The following PACSIN1 variants were observed in gnomAD, a reference collection of about 807,000 sequenced individuals.
The protein encoded by PACSIN1 is protein kinase C and casein kinase substrate in neurons protein 1.
A neutral mutation model predicts 59.5 loss-of-function variants in PACSIN1; 15 were observed. That is an observed-to-expected ratio of 0.25 (90% CI 0.17 to 0.39). The LOEUF (loss-of-function observed/expected upper bound fraction) is 0.39, where lower values mean the gene tolerates loss of function less well. PACSIN1 is among the 10% of genes least tolerant of loss of function. The pLI is 1.00. For synonymous variants in PACSIN1, 210 were observed against 220.6 expected, an observed-to-expected ratio of 0.95 and a Z score of 0.42; for missense variants, 420 against 580.2, an observed-to-expected ratio of 0.72 and a Z score of 2.84.
intron 1 of PACSIN1, among the ~76,000 whole-genome samples, chr6:34,489,075 G>A (rs982275833): frequency 6.6e-6 from 1 of 151,956 alleles, no homozygotes; most frequent in Non-Finnish European, 1.5e-5. Context: ...CAGCTACTTG[G>A]GGGGCTGAGG....
At position 34,529,746 on chromosome 6, in the gene PACSIN1, T is replaced by C; in HGVS notation, c.693T>C (p.Phe231=). Residue 231 remains phenylalanine, a synonymous_variant, in exon 6 of 10, where the codon TTT becomes TTC. Coordinates refer to ENST00000244458, the MANE Select transcript of PACSIN1 (RefSeq NM_020804.5). The surrounding 1 kb of genome is among the most constrained non-coding windows in gnomAD (Gnocchi z 6.3). ...ACATGGAGAACATGGAGCAGGTGTTTGAGCAATGCCAGCAATTTGAGGAAA... is the reference window on the plus strand; with the variant it reads ...ACATGGAGAACATGGAGCAGGTGTTCGAGCAATGCCAGCAATTTGAGGAAA... The part of the protein sequence containing the change: ...PQYMENMEQV[F]EQCQQFEEKR... 1.2e-6 allele frequency: 2 copies of C among 1,613,992 alleles called. No homozygotes were observed. The highest frequency in any genetic ancestry group is 2.2e-5 in the South Asian group (2 of 91,070).
rs1767294471 is a variant in PACSIN1 at position 34,516,470 on chromosome 6, C to A, written c.-63-9773C>A. Among the ~76,000 whole-genome samples, 1 of 152,230 alleles carries A rather than the reference C, an allele frequency of 6.6e-6. No individual in the cohort carries two copies. The highest frequency in any genetic ancestry group is 1.5e-5 in the Non-Finnish European group (1 of 68,034). On this transcript the variant is annotated intron_variant, in intron 1 of 9. Coordinates refer to ENST00000244458, the MANE Select transcript of PACSIN1 (RefSeq NM_020804.5). This position sits in a 1 kb window ranked among gnomAD's most constrained non-coding sequence, Gnocchi z 5.4. ...GCTCCTCCGAACCCCGCACTCTCCT[C>A]CTTCCTGACCAGGGTGGGAGCTGAT... is the stretch of plus-strand genomic sequence containing the variant.
intron 1 of PACSIN1, among the ~76,000 whole-genome samples, chr6:34,501,461 C>T (rs530517398): frequency 1.0e-3 from 157 of 152,294 alleles, no homozygotes; most frequent in Admixed American, 1.5e-3. Flanking sequence ...TAGGAGCAGA[C>T]GAGGTCAGGG....
intron 1 of PACSIN1, among the ~76,000 whole-genome samples, chr6:34,503,651 G>T (rs1428843270): frequency 6.6e-6 from 1 of 152,192 alleles, no homozygotes; most frequent in Non-Finnish European, 1.5e-5. Flanking sequence ...CAAGCCCTGT[G>T]GTTCCATCTC....
intron 1 of PACSIN1, among the ~76,000 whole-genome samples, chr6:34,478,061 CTTT>C (rs58616178): frequency 5.2e-5 from 6 of 114,564 alleles, no homozygotes; most frequent in Admixed American, 1.8e-4. Flanking sequence ...CCCCTTTATC[CTTT>C]TTTTTTTTTT....
chr6:34,491,141 C>T (rs1224015958), intron 1 of PACSIN1, among the ~76,000 whole-genome samples: 1 of 152,118 alleles, frequency 6.6e-6, no homozygotes, highest in African/African-American at 2.4e-5. Context: ...GGGCCCGCTC[C>T]TCAGCTTTTT....
chr6:34,502,139 G>A (rs1767034826), intron 1 of PACSIN1, among the ~76,000 whole-genome samples: 1 of 151,992 alleles, frequency 6.6e-6, no homozygotes, highest in Non-Finnish European at 1.5e-5. Context: ...CTATCTCCTG[G>A]TATTCACACC....
intron 1 of PACSIN1, among the ~76,000 whole-genome samples, chr6:34,511,204 G>C (rs569301103): frequency 4.6e-5 from 7 of 152,342 alleles, no homozygotes; most frequent in Admixed American, 1.3e-4. Context: ...ATGGGATTTA[G>C]TCAGACACCT....
At chr6:34,471,468 T>C (rs573668355) in intron 1 of PACSIN1, among the ~76,000 whole-genome samples, 2 of 152,354 alleles carry the variant, frequency 1.3e-5, no homozygotes, top group South Asian at 4.1e-4. Context: ...AGTAGTCCCT[T>C]ATTTGTGGAT....
At position 34,528,898 on chromosome 6, in the gene PACSIN1, C is replaced by T. The variant is rs758493750; in HGVS notation, c.456+21C>T. ...AGGAGGTGCTCAGTGGGTGCTGCCA[C>T]GGGCGGGGTGGGGTGGGCCCGTCTG... On this transcript the variant is annotated intron_variant, in intron 4 of 9. Transcript: ENST00000244458. 37 of 298,630 alleles carry T rather than the reference C, an allele frequency of 1.2e-4. 2 individuals carry two copies. The highest frequency in any genetic ancestry group is 3.1e-4 in the South Asian group (11 of 35,612). The allele number at this position is 298,630 out of a possible 1,614,324, so 18.5% of individuals were successfully genotyped here.
At chr6:34,489,340 A>C (rs1372302342) in intron 1 of PACSIN1, among the ~76,000 whole-genome samples, 1 of 152,186 alleles carries the variant, frequency 6.6e-6, no homozygotes. Flanking sequence ...ACAATACAGC[A>C]CGTTGTCATG....
In PACSIN1 at chr6:34,532,367, G is replaced by A. The variant is rs912880235; in HGVS notation, c.1226-54G>A. The A allele has an allele frequency of 3.3e-5, 41 of 1,235,416 alleles. No individual in the cohort carries two copies. Among genetic ancestry groups the A allele is most frequent in the African/African-American group, 2.8e-4 (19 of 66,754 alleles). The allele number at this position is 1,235,416 out of a possible 1,614,324, so 76.5% of individuals were successfully genotyped here. ...GGAGGGTTCCCCTAGCAGCCGGTGC[G>A]TTGAGGGAGGGGCAGCCTTCTCTCT... On this transcript the variant is annotated intron_variant, in intron 9 of 9. Transcript: ENST00000244458. The surrounding 1 kb of genome is among the most constrained non-coding windows in gnomAD (Gnocchi z 5.2).
At chr6:34,470,588 C>T (rs1766558023) in intron 1 of PACSIN1, among the ~76,000 whole-genome samples, 1 of 144,324 alleles carries the variant, frequency 6.9e-6, no homozygotes, top group Non-Finnish European at 1.5e-5. Flanking sequence ...CATCATAGCT[C>T]ACTGCAGCCT....
chr6:34,483,805 A>G (rs1766755956), intron 1 of PACSIN1, among the ~76,000 whole-genome samples: 1 of 151,970 alleles, frequency 6.6e-6, no homozygotes, highest in African/African-American at 2.4e-5. Context: ...ATGTGCCACC[A>G]TGCCCGGCTA....
At chr6:34,528,399 G>A (rs935411619) in intron 3 of PACSIN1, among the ~76,000 whole-genome samples, 1 of 152,212 alleles carries the variant, frequency 6.6e-6, no homozygotes, top group African/African-American at 2.4e-5. Context: ...GGGAGGTATG[G>A]CCGCAGATAC....
At chr6:34,499,532 G>A (rs898499638) in intron 1 of PACSIN1, among the ~76,000 whole-genome samples, 7 of 152,096 alleles carry the variant, frequency 4.6e-5, no homozygotes, top group Admixed American at 2.0e-4. Context: ...AGTGGCTCAC[G>A]CCTGTAATCC....
At chr6:34,472,792 A>G (rs1251193018) in intron 1 of PACSIN1, among the ~76,000 whole-genome samples, 1 of 152,170 alleles carries the variant, frequency 6.6e-6, no homozygotes, top group Non-Finnish European at 1.5e-5. Context: ...AGGGCTGTAG[A>G]AGGAGTATGG....
intron 1 of PACSIN1, among the ~76,000 whole-genome samples, chr6:34,472,306 G>A (rs888211349): frequency 1.4e-5 from 2 of 145,758 alleles, no homozygotes; most frequent in Admixed American, 1.4e-4. Context: ...AACAATGTGT[G>A]TAGTATGATA....
intron 1 of PACSIN1, among the ~76,000 whole-genome samples, chr6:34,519,244 C>G (rs1414783730): frequency 1.3e-5 from 2 of 152,114 alleles, no homozygotes; most frequent in Non-Finnish European, 2.9e-5. Flanking sequence ...CCCCTCTGCC[C>G]TGGGCCTCTC....
Sources: gnomAD v4.1 joint callset for allele counts (sites outside exome capture counted in the v4.1 genomes callset) on GRCh38, gnomAD v4.1.1 for gene constraint, Gnocchi (gnomAD v3.1) non-coding constraint, MANE v1.5 for transcripts, NCBI Gene and HGNC (gene_info 2026-07-23, HGNC 2026-07-21) for gene names.